The following FUT8 variants were observed in gnomAD, a reference collection of about 807,000 sequenced individuals.
FUT8 encodes alpha-(1,6)-fucosyltransferase.
Under a neutral mutation model 71.3 loss-of-function variants are expected in FUT8, and 29 were observed. The ratio of observed to expected loss-of-function variants is 0.41; its 90% CI spans 0.30 to 0.55. FUT8 has a LOEUF of 0.55. FUT8 is among the 20% of genes least tolerant of loss of function. The pLI is 0.34. For synonymous variants in FUT8, 254 were observed against 239.3 expected (o/e 1.06, Z -0.57); for missense variants, 544 against 702.1 (o/e 0.77, Z 2.55).
chr14:65,564,942 G>A (rs1419371160), intron 3 of FUT8, among the ~76,000 whole-genome samples: 2 of 151,844 alleles, frequency 1.3e-5, no homozygotes, highest in African/African-American at 4.8e-5. Context: ...AGCCCATTTA[G>A]CATTGCTATC....
chr14:65,411,010 A>T (rs1595334224), upstream of FUT8: 1 of 152,236 alleles, frequency 6.6e-6, no homozygotes, highest in African/African-American at 2.4e-5. Context: ...AAAATTATCT[A>T]AAGTATGACT....
At chr14:65,411,915 C>A (rs760311034), upstream of FUT8, 12 of 386,236 alleles carry the variant, frequency 3.1e-5, no homozygotes, top group East Asian at 8.0e-4. Flanking sequence ...GCTCAGCTGG[C>A]GGTCTGGGCT....
intron 1 of FUT8, among the ~76,000 whole-genome samples, chr14:65,425,169 C>CT (rs869280083): frequency 0.023 from 3,268 of 143,684 alleles, 49 homozygotes; most frequent in Non-Finnish European, 0.032. Flanking sequence ...AATGGAGTTT[C>CT]TTTTTTTTTT....
intron 2 of FUT8, among the ~76,000 whole-genome samples, chr14:65,504,119 C>G (rs2066688986): frequency 6.6e-6 from 1 of 152,126 alleles, no homozygotes; most frequent in African/African-American, 2.4e-5. Context: ...ACCTACACCC[C>G]CTTCTTTAAA....
At chr14:65,364,561 T>C in the FUT8 span, among the ~76,000 whole-genome samples, 1 of 152,154 alleles carries the variant, frequency 6.6e-6, no homozygotes, top group Admixed American at 6.5e-5. Flanking sequence ...TTCTCAGCAT[T>C]CTTTTGCATC....
At chr14:65,598,992 C>T (rs181592365) in intron 3 of FUT8, among the ~76,000 whole-genome samples, 5 of 151,910 alleles carry the variant, frequency 3.3e-5, no homozygotes, top group African/African-American at 7.2e-5. Context: ...GGTTTCACCA[C>T]GTCAGCCAGG....
intron 2 of FUT8, among the ~76,000 whole-genome samples, chr14:65,468,633 CACT>C (rs1407388499): frequency 6.6e-6 from 1 of 152,060 alleles, no homozygotes; most frequent in Non-Finnish European, 1.5e-5. Context: ...TCTGCAGCTT[CACT>C]ATCATTTGCC....
intron 6 of FUT8, among the ~76,000 whole-genome samples, chr14:65,633,641 G>A (rs1239167898): frequency 2.6e-5 from 4 of 151,404 alleles, no homozygotes. Flanking sequence ...CGCCCCGTCT[G>A]GGATGTGAGG....
chr14:65,475,241 TTACAG>T (rs1203433067), intron 2 of FUT8, among the ~76,000 whole-genome samples: 4 of 152,152 alleles, frequency 2.6e-5, no homozygotes, highest in African/African-American at 9.7e-5. Flanking sequence ...AAGTTAATAA[TTACAG>T]TACAGGAAGT....
intron 3 of FUT8, among the ~76,000 whole-genome samples, chr14:65,596,678 T>C (rs954252953): frequency 3.3e-5 from 5 of 152,186 alleles, no homozygotes; most frequent in Admixed American, 6.5e-5. Context: ...TATACAAATA[T>C]CCAACCTCAA....
At chr14:65,621,949 G>A (rs1889638642) in intron 5 of FUT8, among the ~76,000 whole-genome samples, 1 of 151,482 alleles carries the variant, frequency 6.6e-6, no homozygotes, top group South Asian at 2.1e-4. Context: ...CCCAGCCTCC[G>A]GGTAGCTGGG....
chr14:65,721,866 A>G lies in FUT8; in HGVS notation c.927A>G (p.Pro309=), dbSNP rs376634415. 16 of 1,614,102 alleles carry G rather than the reference A, an allele frequency of 9.9e-6. No individual in the cohort carries two copies. In the African/African-American group the frequency reaches 2.1e-4, roughly 22 times the overall value. Residue 309 remains proline, a synonymous_variant, in exon 8 of 11, where the codon CCA becomes CCG. Transcript: ENST00000673929. ...PRPPYLPLAV[P]EDLADRLVRV... ...CTCCATATTTACCCTTGGCTGTACC[A>G]GAAGACCTCGCAGATCGACTTGTAC...
chr14:65,436,112 G>T (rs1797923931), intron 1 of FUT8, among the ~76,000 whole-genome samples: 2 of 151,394 alleles, frequency 1.3e-5, no homozygotes, highest in South Asian at 4.2e-4. Context: ...TAATTTTTTT[G>T]TAGAGACAAG....
chr14:65,742,087 C>A lies in FUT8; in HGVS notation c.1411-6C>A. On this transcript the variant is annotated splice_polypyrimidine_tract_variant and splice_region_variant and intron_variant, in intron 10 of 10. Coordinates refer to ENST00000673929, the MANE Select transcript of FUT8 (RefSeq NM_001371533.1). ...ACTAACAATTTCTTTTAAATTCTTT[C>A]CCAAGGTCTGTCGAGTTGCTTATGA... 1 of 1,607,544 alleles carries A rather than the reference C, an allele frequency of 6.2e-7. No individual in the cohort carries two copies. Among genetic ancestry groups the A allele is most frequent in the Non-Finnish European group, 8.5e-7 (1 of 1,175,660 alleles).
intron 2 of FUT8, among the ~76,000 whole-genome samples, chr14:65,476,910 TTCAGCAACTTCTAAGC>T (rs1264342449): frequency 2.6e-5 from 4 of 152,276 alleles, no homozygotes; most frequent in African/African-American, 9.6e-5. Flanking sequence ...ATGCATAAAC[TTCAGCAACTTCTAAGC>T]TACCATTAGG....
At chr14:65,436,732 TC>T (rs942988194) in intron 1 of FUT8, among the ~76,000 whole-genome samples, 3 of 152,308 alleles carry the variant, frequency 2.0e-5, no homozygotes, top group East Asian at 3.9e-4. Context: ...ATCACACAAT[TC>T]CAGGGGACAT....
At chr14:65,540,036 G>T (rs1469120755) in intron 2 of FUT8, among the ~76,000 whole-genome samples, 1 of 152,202 alleles carries the variant, frequency 6.6e-6, no homozygotes, top group Non-Finnish European at 1.5e-5. Context: ...TATACCTGTT[G>T]TGTTAAAAGT....
intron 1 of FUT8, among the ~76,000 whole-genome samples, chr14:65,419,414 A>G (rs1009171036): frequency 2.0e-5 from 3 of 152,238 alleles, no homozygotes; most frequent in African/African-American, 7.2e-5. Context: ...GAGTACTGTT[A>G]GCAGGTTTAA....
rs1891920346 is a variant in FUT8 at position 65,660,764 on chromosome 14, GC to G, written c.598-8478del. On this transcript the variant is annotated intron_variant, in intron 6 of 10. Transcript: ENST00000673929. The surrounding 1 kb of genome is among the most constrained non-coding windows in gnomAD (Gnocchi z 4.1). ...GGTCTTGGCTTTTAAAAGTGAGCAT[GC>G]TTTTTAATTGCCTCTTTCATGGTTA... Among the ~76,000 whole-genome samples the G allele has an allele frequency of 6.6e-6, 1 of 152,122 alleles. No individual in the cohort carries two copies. Among genetic ancestry groups the G allele is most frequent in the South Asian group, 2.1e-4 (1 of 4,820 alleles).
Sources: gnomAD v4.1 joint callset for allele counts (sites outside exome capture counted in the v4.1 genomes callset) on GRCh38, gnomAD v4.1.1 for gene constraint, Gnocchi (gnomAD v3.1) non-coding constraint, MANE v1.5 for transcripts, NCBI Gene and HGNC (gene_info 2026-07-23, HGNC 2026-07-21) for gene names.